Variants in CDH18 observed in about 807,000 individuals in gnomAD.
CDH18 encodes the protein cadherin-18.
A neutral mutation model predicts 67.9 loss-of-function variants in CDH18; 31 were observed. The observed-to-expected ratio is 0.46, with a 90% confidence interval of 0.34 to 0.62. CDH18 has a LOEUF of 0.62. Among genes scored for constraint, CDH18 ranks in the 20% least tolerant of loss-of-function variants. CDH18 has a pLI of 0.01. For missense variants in CDH18, 890 were observed against 975.5 expected (o/e 0.91, Z 1.17); for synonymous variants, 362 against 347.2 (o/e 1.04, Z -0.48).
At chr5:20,139,096 T>C (rs1051560361) in intron 2 of CDH18, among the ~76,000 whole-genome samples, 2 of 152,116 alleles carry the variant, frequency 1.3e-5, no homozygotes, top group Non-Finnish European at 2.9e-5. Context: ...CAAAACAGCA[T>C]GACACTGGTA....
chr5:20,319,884 T>G (rs981489477), intron 1 of CDH18, among the ~76,000 whole-genome samples: 1 of 152,242 alleles, frequency 6.6e-6, no homozygotes, highest in African/African-American at 2.4e-5. Context: ...GGTTTGGTAC[T>G]CTAATCAAGT....
At chr5:20,026,879 C>T (rs1173551161) in intron 2 of CDH18, among the ~76,000 whole-genome samples, 1 of 151,962 alleles carries the variant, frequency 6.6e-6, no homozygotes, top group Non-Finnish European at 1.5e-5. Flanking sequence ...ATGGTGTGAA[C>T]CCAGGAGGTG....
chr5:20,352,573 G>A (rs569954832), intron 1 of CDH18, among the ~76,000 whole-genome samples: 1 of 143,334 alleles, frequency 7.0e-6, no homozygotes, highest in South Asian at 2.2e-4. Context: ...GAGGTCAGGA[G>A]ATCGAGACCA....
Position 20,478,108 on chromosome 5 carries a change from A to C in CDH18, c.-580+97354T>G, listed in dbSNP as rs1303713334. 2.0e-5 allele frequency among the ~76,000 whole-genome samples: 3 copies of C among 152,180 alleles called. No homozygotes were observed. In the East Asian group the frequency reaches 5.8e-4, roughly 29 times the overall value. Reference sequence around the variant, plus strand: ...AAATAAATATTGGTGGTATCTAGGCAGTTCTCATTGCAGGACTTGGGTGAG... The same window carrying C: ...AAATAAATATTGGTGGTATCTAGGCCGTTCTCATTGCAGGACTTGGGTGAG... On this transcript the variant is annotated intron_variant, in intron 1 of 14. Coordinates refer to the CDH18 transcript ENST00000507958.
chr5:20,103,821 A>AAG (rs1746690051), intron 2 of CDH18, among the ~76,000 whole-genome samples: 1 of 150,522 alleles, frequency 6.6e-6, no homozygotes. Context: ...AGAAAAAAAA[A>AAG]ACTTGAGAAG....
chr5:19,826,147 G>T (rs955421959), intron 3 of CDH18, among the ~76,000 whole-genome samples: 2 of 152,036 alleles, frequency 1.3e-5, no homozygotes, highest in African/African-American at 4.8e-5. Context: ...TCAAAGACTG[G>T]TTCTCTGAAG....
intron 2 of CDH18, among the ~76,000 whole-genome samples, chr5:20,100,573 AT>A (rs1170655624): frequency 2.0e-5 from 3 of 152,076 alleles, no homozygotes; most frequent in African/African-American, 7.2e-5. Context: ...TTTTATTACA[AT>A]TTTTTTACAT....
At position 20,519,268 on chromosome 5, in the gene CDH18, C is replaced by T. The variant is rs534614756; in HGVS notation, c.-580+56194G>A. On this transcript the variant is annotated intron_variant, in intron 1 of 14. Coordinates refer to the CDH18 transcript ENST00000507958. ...GGATTAAGAAAATGTGGCACATATACACCATGGAATACTATGCAGCCATAA... is the reference window on the plus strand; with the variant it reads ...GGATTAAGAAAATGTGGCACATATATACCATGGAATACTATGCAGCCATAA... Among the ~76,000 whole-genome samples the T allele has an allele frequency of 3.3e-5, 5 of 152,256 alleles. No individual in the cohort carries two copies. In the South Asian group the frequency reaches 8.3e-4, roughly 25 times the overall value.
intron 4 of CDH18, among the ~76,000 whole-genome samples, chr5:19,722,167 C>A (rs1766185995): frequency 6.6e-6 from 1 of 152,114 alleles, no homozygotes; most frequent in Non-Finnish European, 1.5e-5. Context: ...AATTCTCCTG[C>A]CTCAGCTTCC....
At chr5:20,550,925 A>G (rs540273431) in intron 1 of CDH18, among the ~76,000 whole-genome samples, 3 of 152,276 alleles carry the variant, frequency 2.0e-5, no homozygotes, top group Non-Finnish European at 2.9e-5. Context: ...GGAGGGAGCT[A>G]GAGAAAGAGG....
chr5:20,213,638 T>C (rs890498283), intron 2 of CDH18, among the ~76,000 whole-genome samples: 25 of 152,102 alleles, frequency 1.6e-4, no homozygotes, highest in Admixed American at 3.9e-4. Flanking sequence ...TATCCAGTTT[T>C]CTAGTTTGTG....
rs58308147 is a variant in CDH18, at chr5:20,418,242, ATTTTTTTTT to A, written c.-580+157211_-580+157219del. 3.8e-3 allele frequency among the ~76,000 whole-genome samples: 216 copies of A among 56,934 alleles called. 1 individual carries two copies. In the Middle Eastern group the frequency reaches 0.056, roughly 15 times the overall value. 37.4% of individuals were successfully genotyped at this position (56,934 alleles called of 152,430 possible). On this transcript the variant is annotated intron_variant, in intron 1 of 14. Coordinates refer to the CDH18 transcript ENST00000507958. ...AGGTGTCTGCCACCACTGCTGGCTA[ATTTTTTTTT>A]TTTTTTTTTTTTTTTGTATTTTCAG...
At chr5:19,604,547 ACACACAC>A (rs1747720318) in intron 6 of CDH18, among the ~76,000 whole-genome samples, 3 of 150,322 alleles carry the variant, frequency 2.0e-5, no homozygotes, top group Non-Finnish European at 3.0e-5. Flanking sequence ...ACACACACAC[ACACACAC>A]ACACACACAC....
At chr5:20,131,170 T>A (rs941708060) in intron 2 of CDH18, among the ~76,000 whole-genome samples, 1 of 152,086 alleles carries the variant, frequency 6.6e-6, no homozygotes, top group African/African-American at 2.4e-5. Flanking sequence ...TCTTCCTTCT[T>A]CTCTTGCTTA....
At chr5:19,538,143 A>G (rs1373363942) in intron 9 of CDH18, among the ~76,000 whole-genome samples, 1 of 152,194 alleles carries the variant, frequency 6.6e-6, no homozygotes, top group Admixed American at 6.5e-5. Context: ...GCGTGATAGC[A>G]TGTAAGTTTG....
At chr5:19,842,213 C>T (rs928588194) in intron 2 of CDH18, among the ~76,000 whole-genome samples, 2 of 152,146 alleles carry the variant, frequency 1.3e-5, no homozygotes. Flanking sequence ...ATAAACCGAG[C>T]CCTGACTTTC....
chr5:19,659,207 AAAT>A (rs1325111882), intron 5 of CDH18, among the ~76,000 whole-genome samples: 1 of 152,140 alleles, frequency 6.6e-6, no homozygotes. Flanking sequence ...TTCTATAATT[AAAT>A]AATAACTGCC....
intron 5 of CDH18, among the ~76,000 whole-genome samples, chr5:19,688,382 A>G (rs1761406511): frequency 6.6e-6 from 1 of 152,146 alleles, no homozygotes; most frequent in South Asian, 2.1e-4. Context: ...ACCTCACTAT[A>G]GCCTTACAAT....
At chr5:20,328,439 G>A (rs1346347989) in intron 1 of CDH18, among the ~76,000 whole-genome samples, 3 of 150,642 alleles carry the variant, frequency 2.0e-5, no homozygotes, top group East Asian at 3.9e-4. Context: ...TGAAAGAATC[G>A]GGTTGTGCTT....
Sources: allele counts gnomAD v4.1 joint callset (sites outside exome capture counted in the v4.1 genomes callset), GRCh38; gene constraint gnomAD v4.1.1; transcripts MANE v1.5; gene names NCBI Gene and HGNC (gene_info 2026-07-23, HGNC 2026-07-21).